Variants in NEBL observed in about 807,000 individuals in gnomAD.
NEBL encodes LIM and SH3 protein 2.
In NEBL, 122 loss-of-function variants were observed where a neutral mutation model predicts 140.2. The ratio of observed to expected loss-of-function variants is 0.87; its 90% CI spans 0.75 to 1.01. The LOEUF is 1.01. NEBL is among the 50% of genes least tolerant of loss of function. NEBL has a pLI of 0.00. For synonymous variants in NEBL, 436 were observed against 398.9 expected, an observed-to-expected ratio of 1.09 and a Z score of -1.11; for missense variants, 1,365 against 1,231.3, an observed-to-expected ratio of 1.11 and a Z score of -1.62.
At chr10:20,890,238 T>C (rs1317267656) in intron 2 of NEBL, among the ~76,000 whole-genome samples, 1 of 152,164 alleles carries the variant, frequency 6.6e-6, no homozygotes, top group African/African-American at 2.4e-5. Context: ...GCCAGCCCAG[T>C]GCAATTAGCA....
intron 2 of NEBL, among the ~76,000 whole-genome samples, chr10:21,072,920 G>T (rs1835885418): frequency 6.6e-6 from 1 of 152,188 alleles, no homozygotes. Flanking sequence ...AAACCCAGGA[G>T]GTGGAGGTTG....
chr10:20,840,554 T>G (rs1354341643), intron 13 of NEBL, among the ~76,000 whole-genome samples, 185 bp downstream of exon 13: 3 of 152,140 alleles, frequency 2.0e-5, no homozygotes, highest in African/African-American at 7.2e-5. Context: ...GGCCATTTTT[T>G]TCACATCACA....
At chr10:21,105,412 C>T (rs1436676762) in intron 2 of NEBL, among the ~76,000 whole-genome samples, 1 of 152,038 alleles carries the variant, frequency 6.6e-6, no homozygotes, top group Non-Finnish European at 1.5e-5. Context: ...GTTCAACTTC[C>T]ACCTATAAGT....
At chr10:21,282,589 T>C (rs1843006571) in intron 1 of NEBL, among the ~76,000 whole-genome samples, 1 of 152,236 alleles carries the variant, frequency 6.6e-6, no homozygotes, top group South Asian at 2.1e-4. Flanking sequence ...AACAAAGCCA[T>C]ATATTGAATT....
At chr10:21,156,312 A>T (rs1180766894) in intron 2 of NEBL, among the ~76,000 whole-genome samples, 3 of 152,234 alleles carry the variant, frequency 2.0e-5, no homozygotes, top group African/African-American at 7.2e-5. Context: ...ATGGACAAAG[A>T]GTTATCAAAA....
At chr10:20,956,324 A>C (rs1835803496) in intron 4 of NEBL, among the ~76,000 whole-genome samples, 1 of 152,232 alleles carries the variant, frequency 6.6e-6, no homozygotes, top group Non-Finnish European at 1.5e-5. Context: ...GTATTCATAC[A>C]TCTGTTAGGT....
chr10:21,143,459 A>AG (rs1554828579), intron 2 of NEBL, among the ~76,000 whole-genome samples: 1 of 151,804 alleles, frequency 6.6e-6, no homozygotes, highest in Non-Finnish European at 1.5e-5. Flanking sequence ...AAAAAAAAAA[A>AG]AAAAAAAAAA....
At chr10:21,276,567 C>T (rs571842013) in intron 1 of NEBL, among the ~76,000 whole-genome samples, 35 of 152,284 alleles carry the variant, frequency 2.3e-4, no homozygotes, top group African/African-American at 8.4e-4. Flanking sequence ...TGGCTCATGC[C>T]TATAATCCCA....
chr10:21,279,939 A>G (rs990748745), intron 1 of NEBL, among the ~76,000 whole-genome samples: 1 of 152,042 alleles, frequency 6.6e-6, no homozygotes, highest in Non-Finnish European at 1.5e-5. Context: ...TATCAGATCT[A>G]CTTCTTAGAA....
chr10:21,160,000 G>A (rs980343844), intron 2 of NEBL, among the ~76,000 whole-genome samples: 2 of 152,070 alleles, frequency 1.3e-5, no homozygotes. Context: ...CTCCTGCTAG[G>A]GAATTAATTT....
At chr10:21,218,507 T>G (rs968064309) in intron 3 of NEBL, among the ~76,000 whole-genome samples, 3 of 152,320 alleles carry the variant, frequency 2.0e-5, no homozygotes, top group Admixed American at 2.0e-4. Context: ...AGGAGTTATA[T>G]ATCAGACATG....
At chr10:20,961,701 G>A (rs1443433774) in exon 4 of NEBL, 9 of 1,613,570 alleles carry the variant, frequency 5.6e-6, no homozygotes, top group Non-Finnish European at 7.6e-6. Flanking sequence ...GTCCTCTTCA[G>A]TCTCTGTAGC....
At position 20,925,724 on chromosome 10, in the gene NEBL, A is replaced by AAT. The variant is rs398114148; in HGVS notation, c.357+35947_357+35948insAT. On this transcript the variant is annotated intron_variant, in intron 4 of 6. Coordinates refer to the NEBL transcript ENST00000417816. The stretch of plus-strand genomic sequence containing the variant: ...GAGAGAACAACAATTAAAAAAAAAA[A>AAT]GGCAGAACAGAAGCTATCAAGAGTA... Among the ~76,000 whole-genome samples, 52 of 151,214 alleles carry AAT rather than the reference A, an allele frequency of 3.4e-4. No individual in the cohort carries two copies. The East Asian group carries it at 7.0e-3, about 20-fold the overall frequency.
chr10:20,823,181 TAA>T, intron 19 of NEBL, 25 bp downstream of exon 19: 1 of 1,541,040 alleles, frequency 6.5e-7, no homozygotes. Context: ...ATAAAATTTT[TAA>T]AAAATACTTA....
intron 4 of NEBL, among the ~76,000 whole-genome samples, chr10:20,959,770 T>C (rs1835968897): frequency 6.6e-6 from 1 of 151,872 alleles, no homozygotes; most frequent in African/African-American, 2.4e-5. Context: ...CATTAAGACA[T>C]CGCAAAAAGT....
intron 2 of NEBL, among the ~76,000 whole-genome samples, chr10:21,035,853 G>T (rs1263221435): frequency 6.6e-6 from 1 of 152,062 alleles, no homozygotes; most frequent in Non-Finnish European, 1.5e-5. Flanking sequence ...GAGACAGGAA[G>T]AAAGAGAGTT....
chr10:21,009,278 G>C (rs1346989475), intron 3 of NEBL, among the ~76,000 whole-genome samples: 1 of 152,118 alleles, frequency 6.6e-6, no homozygotes, highest in Admixed American at 6.5e-5. Flanking sequence ...GCTTGGAATT[G>C]GTATATTTAG....
intron 4 of NEBL, among the ~76,000 whole-genome samples, chr10:20,959,310 T>C (rs143232031): frequency 3.3e-4 from 50 of 152,272 alleles, no homozygotes; most frequent in African/African-American, 1.1e-3. Context: ...GGATTATAAT[T>C]TCCCAGCATC....
chr10:21,160,970 T>A (rs1393400989), intron 2 of NEBL, among the ~76,000 whole-genome samples: 1 of 152,146 alleles, frequency 6.6e-6, no homozygotes, highest in Non-Finnish European at 1.5e-5. Context: ...AACAAAGTGA[T>A]TTTTATAAAC....
Sources: allele counts gnomAD v4.1 joint callset (sites outside exome capture counted in the v4.1 genomes callset), GRCh38; gene constraint gnomAD v4.1.1; transcripts MANE v1.5; gene names NCBI Gene and HGNC (gene_info 2026-07-23, HGNC 2026-07-21).